ZNF267: variants seen among roughly 807,000 people sequenced by gnomAD.
The protein encoded by ZNF267 is zinc finger (C2H2).
ZNF267 carries 61 observed loss-of-function variants against 71.6 expected under a neutral mutation model. The observed-to-expected ratio is 0.85, with a 90% CI of 0.69 to 1.05. The LOEUF (loss-of-function observed/expected upper bound fraction) is 1.05. Among genes scored for constraint, ZNF267 ranks in the 50% least tolerant of loss-of-function variants. The probability of loss-of-function intolerance (pLI) is 0.00; values close to 1 mark genes in which losing one functional copy is unlikely to be tolerated. For synonymous variants in ZNF267, 288 were observed against 293.2 expected (o/e 0.98, Z 0.18); for missense variants, 852 against 870.0 (o/e 0.98, Z 0.26).
Position 31,915,567 on chromosome 16 carries a change from G to A in ZNF267, c.1318G>A (p.Glu440Lys). 6.2e-7 allele frequency: 1 copy of A among 1,613,256 alleles called. No individual in the cohort carries two copies. The highest frequency in any genetic ancestry group is 1.7e-5 in the Admixed American group (1 of 59,950). The change falls in exon 4 of 4, where the codon GAA (glutamate) becomes AAA (lysine). Residue 440 changes from glutamate to lysine, a missense_variant. Transcript: ENST00000300870. Reference sequence around the variant, plus strand: ...TGGAGAGAAACCTTATAAATGTAAAGAATGTGGAAAAGCTTTTAACCGTAG... The same window carrying A: ...TGGAGAGAAACCTTATAAATGTAAAAAATGTGGAAAAGCTTTTAACCGTAG... The part of the protein sequence containing the change: ...HTGEKPYKCK[E>K]CGKAFNRSSC...
chr16:31,885,785 A>G (rs116447047), intron 3 of ZNF267, among the ~76,000 whole-genome samples: 1 of 152,234 alleles, frequency 6.6e-6, no homozygotes, highest in Non-Finnish European at 1.5e-5. Context: ...TTATGAAAAT[A>G]CAAGGCATCT....
chr16:31,900,784 CTTATTT>C (rs1289255527), intron 3 of ZNF267, among the ~76,000 whole-genome samples: 1 of 137,390 alleles, frequency 7.3e-6, no homozygotes, highest in Non-Finnish European at 1.6e-5. Flanking sequence ...TAATTTTTAA[CTTATTT>C]TTATTTTTTT....
chr16:31,874,779 C>G, intron 1 of ZNF267, among the ~76,000 whole-genome samples: 1 of 152,180 alleles, frequency 6.6e-6, no homozygotes, highest in Admixed American at 6.5e-5. Context: ...CGCAGAGTCT[C>G]AAGTCCACCA....
intron 3 of ZNF267, among the ~76,000 whole-genome samples, chr16:31,889,904 T>C (rs1161621320): frequency 6.6e-6 from 1 of 152,196 alleles, no homozygotes; most frequent in Non-Finnish European, 1.5e-5. Flanking sequence ...AGACTAAACA[T>C]CCACACTGTA....
intron 3 of ZNF267, among the ~76,000 whole-genome samples, chr16:31,905,340 TG>T (rs199561898): frequency 0.018 from 2,781 of 152,302 alleles, 92 homozygotes; most frequent in African/African-American, 0.064. Context: ...CCTGCCTTGC[TG>T]GATTGGGGAA....
In ZNF267 at chr16:31,915,270, C is replaced by G. The variant is rs1177293276; in HGVS notation, c.1021C>G (p.Gln341Glu). 1.2e-6 allele frequency: 2 copies of G among 1,613,836 alleles called. No homozygotes were observed. The highest frequency in any genetic ancestry group is 3.3e-5 in the Admixed American group (2 of 60,010). ...LNHSLHLTQH[Q>E]IIPTEEKPCK... The stretch of plus-strand genomic sequence containing the variant: ...CCATAGTTTGCACCTTACTCAACAT[C>G]AGATCATTCCTACCGAAGAGAAACC... The change falls in exon 4 of 4, where the codon CAG (glutamine) becomes GAG (glutamate). Residue 341 changes from glutamine (Q) to glutamate (E), a missense_variant. Gln to Glu is a conservative substitution (Grantham distance 29, BLOSUM62 2). Coordinates refer to ENST00000300870, the MANE Select transcript of ZNF267 (RefSeq NM_003414.6).
In ZNF267 at chr16:31,916,188, C is replaced by T. The variant is rs758102404; in HGVS notation, c.1939C>T (p.Leu647Phe). Residue 647 changes from leucine to phenylalanine, a missense_variant, in exon 4 of 4, where the codon CTC (leucine) becomes TTC (phenylalanine). Physicochemically the swap from Leu to Phe is conservative, Grantham distance 22. Coordinates refer to ENST00000300870, the MANE Select transcript of ZNF267 (RefSeq NM_003414.6). ...CAAAGCCTTCAACTATAGGTCATAC[C>T]TCACTACACATCAGAGAAGTCATAC... ...CGKAFNYRSY[L>F]TTHQRSHTGE... 4.3e-6 allele frequency: 7 copies of T among 1,614,020 alleles called. No individual in the cohort carries two copies. Among genetic ancestry groups the T allele is most frequent in the African/African-American group, 4.0e-5 (3 of 74,930 alleles).
intron 3 of ZNF267, chr16:31,913,588 AG>A (rs1262936168): frequency 1.3e-5 from 2 of 152,210 alleles, no homozygotes; most frequent in African/African-American, 4.8e-5. Context: ...TGTGGGAGCC[AG>A]GTATTGAAGT....
In ZNF267 at chr16:31,878,927, A is replaced by C. The variant is rs533777911; in HGVS notation, c.3+4958A>C. On this transcript the variant is annotated intron_variant, in intron 1 of 3. Transcript: ENST00000300870. ...ACAAGACTTAATCCTTCTTGAAAAT[A>C]AGGAAAGAAATTTTTCTTTTTTTTT... Among the ~76,000 whole-genome samples, 34 of 152,316 alleles carry C rather than the reference A, an allele frequency of 2.2e-4. No individual in the cohort carries two copies. The East Asian group carries it at 6.2e-3, about 28-fold the overall frequency.
At chr16:31,885,126 C>G in intron 2 of ZNF267, 35 bp from the exon 3 acceptor site, 2 of 1,537,200 alleles carry the variant, frequency 1.3e-6, no homozygotes, top group East Asian at 4.5e-5. Flanking sequence ...AAAGAACCCT[C>G]ATTAAGAGTC....
chr16:31,885,274 A>C lies in ZNF267; in HGVS notation c.226+18A>C. The C allele has an allele frequency of 1.3e-6, 2 of 1,599,984 alleles. No individual in the cohort carries two copies. Among genetic ancestry groups the C allele is most frequent in the South Asian group, 2.2e-5 (2 of 89,678 alleles). On this transcript the variant is annotated intron_variant, in intron 3 of 3. Coordinates refer to ENST00000300870, the MANE Select transcript of ZNF267 (RefSeq NM_003414.6). ...CCAGCCAGGTAGGTGGGAGCGAATG[A>C]AGTAGATGACATGGGCGAGAGGTCC...
chr16:31,913,266 C>T (rs2142363059), intron 3 of ZNF267: 1 of 152,346 alleles, frequency 6.6e-6, no homozygotes, highest in East Asian at 1.9e-4. Flanking sequence ...GATTACCAAG[C>T]AGAGACTCTT....
rs1259387171 is a variant in ZNF267 at position 31,873,845 on chromosome 16, T to C, written c.-122T>C. ...GTCTCCTCGCCACAGCTCCGAGTCT[T>C]TCGTTCTGGGAGGCCCAGGCGGCTT... is the stretch of plus-strand genomic sequence containing the variant. On this transcript the variant is annotated 5_prime_UTR_variant, in exon 1 of 4. Transcript: ENST00000300870. The C allele has an allele frequency of 2.1e-6, 3 of 1,400,714 alleles. No homozygotes were observed. The highest frequency in any genetic ancestry group is 1.4e-5 in the African/African-American group (1 of 70,616). The allele number at this position is 1,400,714 out of a possible 1,614,324, so 86.8% of individuals were successfully genotyped here.
chr16:31,894,655 T>C (rs1225778467), intron 3 of ZNF267: 1 of 482,888 alleles, frequency 2.1e-6, no homozygotes, highest in Admixed American at 2.4e-5. Context: ...TGCTGGAGAC[T>C]GCACTTGTTT....
intron 1 of ZNF267, among the ~76,000 whole-genome samples, chr16:31,874,809 C>A (rs1186577562): frequency 6.6e-6 from 1 of 152,212 alleles, no homozygotes; most frequent in Non-Finnish European, 1.5e-5. Context: ...CCCAGTCTAA[C>A]TGGGCTTGCA....
At chr16:31,886,560 G>A (rs2083925919) in intron 3 of ZNF267, among the ~76,000 whole-genome samples, 1 of 152,102 alleles carries the variant, frequency 6.6e-6, no homozygotes, top group Non-Finnish European at 1.5e-5. Context: ...AACCACCCCC[G>A]ACTCGACCTC....
intron 3 of ZNF267, chr16:31,894,660 T>G: frequency 2.1e-6 from 1 of 483,742 alleles, no homozygotes; most frequent in Non-Finnish European, 4.1e-6. Context: ...GAGACTGCAC[T>G]TGTTTCTTCA....
chr16:31,914,831 A>C lies in ZNF267; in HGVS notation c.582A>C (p.Ser194=), dbSNP rs369891186. The C allele has an allele frequency of 2.2e-5, 36 of 1,610,710 alleles. No homozygotes were observed. The African/African-American group carries it at 4.3e-4, about 19-fold the overall frequency. ...WGKHHIYDKT[S]VLFRQVSTLN... is the part of the protein sequence containing the mutation. ...AACATCACATATATGATAAAACTTC[A>C]GTGTTATTTAGGCAGGTCTCTACTC... The change falls in exon 4 of 4, where the codon TCA becomes TCC. Residue 194 remains serine, a synonymous_variant. Coordinates refer to ENST00000300870, the MANE Select transcript of ZNF267 (RefSeq NM_003414.6).
At chr16:31,902,045 T>C (rs1041164884) in intron 3 of ZNF267, among the ~76,000 whole-genome samples, 1 of 152,244 alleles carries the variant, frequency 6.6e-6, no homozygotes, top group Non-Finnish European at 1.5e-5. Flanking sequence ...ATTTATTAAA[T>C]AGGGAATCCT....
Sources: gnomAD v4.1 joint callset for allele counts (sites outside exome capture counted in the v4.1 genomes callset) on GRCh38, gnomAD v4.1.1 for gene constraint, MANE v1.5 for transcripts, NCBI Gene and HGNC (gene_info 2026-07-23, HGNC 2026-07-21) for gene names.